Variants in TP53BP2 observed in about 807,000 individuals in gnomAD.
TP53BP2 encodes the protein tumor protein p53 binding protein 2.
A neutral mutation model predicts 126.2 loss-of-function variants in TP53BP2; 62 were observed. The observed-to-expected ratio is 0.49, with a 90% confidence interval of 0.40 to 0.61. The LOEUF is 0.61. TP53BP2 is among the 20% of genes least tolerant of loss of function. The pLI is 0.00. For missense variants in TP53BP2, 1,215 were observed against 1,402.8 expected, an observed-to-expected ratio of 0.87 and a Z score of 2.14; for synonymous variants, 485 against 502.9, an observed-to-expected ratio of 0.96 and a Z score of 0.48.
At position 223,845,726 on chromosome 1, in the gene TP53BP2, C is replaced by T; in HGVS notation, c.-46G>A. 4 of 1,483,340 alleles carry T rather than the reference C, an allele frequency of 2.7e-6. No individual in the cohort carries two copies. Among genetic ancestry groups the T allele is most frequent in the Non-Finnish European group, 2.7e-6 (3 of 1,118,434 alleles). The allele number at this position is 1,483,340 out of a possible 1,614,324, so 91.9% of individuals were successfully genotyped here. A position where few individuals can be genotyped will look rare whatever the true frequency, so the allele number is the denominator to read the frequency against. On this transcript the variant is annotated 5_prime_UTR_variant, in exon 1 of 18. Transcript: ENST00000343537. ...CGGCCCCGGCCGAGCTGAGGTGCCC[C>T]GGAGGGTCGCGGATGCGGGGGAGGG...
At chr1:223,789,925 T>C (rs972950031) in intron 15 of TP53BP2, among the ~76,000 whole-genome samples, 11 of 152,104 alleles carry the variant, frequency 7.2e-5, no homozygotes, top group African/African-American at 2.4e-4. Flanking sequence ...GGCTCTAAAG[T>C]ACATAAGATT....
In TP53BP2 at chr1:223,799,915, A is replaced by G. The variant is rs749140058; in HGVS notation, c.1469T>C (p.Ile490Thr). 1.1e-5 allele frequency: 18 copies of G among 1,595,828 alleles called. No individual in the cohort carries two copies. In the Middle Eastern group the frequency reaches 6.7e-4, roughly 59 times the overall value. Residue 490 changes from isoleucine (I) to threonine (T), a missense_variant, in exon 11 of 18, where the codon ATC becomes ACC. This residue lies in a region of TP53BP2 where 814 missense variants were observed against 853.0 expected (regional missense o/e 0.95). Transcript: ENST00000343537. ...TGTAGGTACCTGAGCATCCCGCAAG[A>G]TATCTTCACTGCTCTGGTTCTTCCT... ...TLRKNQSSED[I>T]LRDAQVANKN...
intron 15 of TP53BP2, among the ~76,000 whole-genome samples, chr1:223,790,664 A>G (rs993861860): frequency 1.1e-4 from 16 of 150,818 alleles, no homozygotes; most frequent in South Asian, 4.2e-4. Context: ...GAGTACAGCA[A>G]TGCAATCTCA....
chr1:223,835,711 C>G (rs1663899148), intron 1 of TP53BP2, among the ~76,000 whole-genome samples: 1 of 152,116 alleles, frequency 6.6e-6, no homozygotes, highest in Non-Finnish European at 1.5e-5. Context: ...TCCATTAACT[C>G]AAACAATATT....
chr1:223,842,683 C>T (rs1284211518), intron 1 of TP53BP2, among the ~76,000 whole-genome samples: 2 of 152,190 alleles, frequency 1.3e-5, no homozygotes, highest in Admixed American at 6.5e-5. Context: ...TTCTTAAGAA[C>T]ACATTTTTGT....
At chr1:223,842,089 G>A (rs1377933230) in intron 1 of TP53BP2, among the ~76,000 whole-genome samples, 1 of 151,822 alleles carries the variant, frequency 6.6e-6, no homozygotes, top group Non-Finnish European at 1.5e-5. Flanking sequence ...ACAGGCACAC[G>A]CCACCACGCC....
intron 8 of TP53BP2, 132 bp downstream of exon 8, chr1:223,802,599 G>T (rs907655204): frequency 2.6e-6 from 3 of 1,140,924 alleles, no homozygotes; most frequent in Non-Finnish European, 3.7e-6. Flanking sequence ...GTCTTTTAAG[G>T]ATCCATAAAC....
chr1:223,790,542 A>G (rs574614248), intron 15 of TP53BP2, among the ~76,000 whole-genome samples: 10 of 152,068 alleles, frequency 6.6e-5, no homozygotes, highest in Admixed American at 4.6e-4. Context: ...GGGTGACAGA[A>G]TAAGACCCTG....
chr1:223,821,710 A>G (rs1195214290), intron 1 of TP53BP2, among the ~76,000 whole-genome samples: 1 of 152,170 alleles, frequency 6.6e-6, no homozygotes, highest in Non-Finnish European at 1.5e-5. Context: ...CAATCCTGTA[A>G]AGGTTGATGC....
intron 2 of TP53BP2, among the ~76,000 whole-genome samples, chr1:223,818,767 C>T (rs529287937): frequency 4.6e-5 from 7 of 151,124 alleles, no homozygotes; most frequent in African/African-American, 9.7e-5. Context: ...TTAGTAGAGG[C>T]GGGGTTTCAC....
At chr1:223,787,096 A>G (rs1038949943) in intron 16 of TP53BP2, among the ~76,000 whole-genome samples, 1 of 151,174 alleles carries the variant, frequency 6.6e-6, no homozygotes, top group Non-Finnish European at 1.5e-5. Context: ...GAGTTTCACC[A>G]TGTTGGCCAG....
chr1:223,830,353 G>A (rs914255167), intron 1 of TP53BP2, among the ~76,000 whole-genome samples: 3 of 152,156 alleles, frequency 2.0e-5, no homozygotes, highest in African/African-American at 7.2e-5. Flanking sequence ...TCAACCTGTA[G>A]TAAATTGTCT....
chr1:223,804,156 C>A lies in TP53BP2; in HGVS notation c.649+18G>T, dbSNP rs2102855212. On this transcript the variant is annotated intron_variant, in intron 6 of 17. Transcript: ENST00000343537. ...CAAATAAATGTATAAAAAAGTAAAT[C>A]TATGAGGAACAACTCACCAAGTTTC... 1 of 1,590,834 alleles carries A rather than the reference C, an allele frequency of 6.3e-7. No individual in the cohort carries two copies. The highest frequency in any genetic ancestry group is 8.5e-7 in the Non-Finnish European group (1 of 1,172,792).
At chr1:223,782,735 G>T (rs1661815413) in intron 17 of TP53BP2, among the ~76,000 whole-genome samples, 1 of 152,166 alleles carries the variant, frequency 6.6e-6, no homozygotes. Context: ...TTACAGGCGT[G>T]AGCCACTATG....
intron 9 of TP53BP2, 116 bp downstream of exon 9, chr1:223,802,000 A>G: frequency 9.5e-7 from 1 of 1,052,356 alleles, no homozygotes; most frequent in Non-Finnish European, 1.4e-6. Flanking sequence ...AGAATATAAA[A>G]GGATTTTTAG....
At chr1:223,788,804 T>C (rs545085320) in intron 16 of TP53BP2, among the ~76,000 whole-genome samples, 41 of 152,324 alleles carry the variant, frequency 2.7e-4, no homozygotes, top group African/African-American at 9.1e-4. Flanking sequence ...TCTTTTGTAA[T>C]TGAAGAAGTC....
At chr1:223,792,940 A>G (rs1662203230) in intron 14 of TP53BP2, among the ~76,000 whole-genome samples, 1 of 152,106 alleles carries the variant, frequency 6.6e-6, no homozygotes, top group African/African-American at 2.4e-5. Flanking sequence ...CTAACCTAAT[A>G]CAGTATAGTA....
rs934178484 is a variant in TP53BP2, at chr1:223,845,754, G to A, written c.-74C>T. 28 of 1,413,628 alleles carry A rather than the reference G, an allele frequency of 2.0e-5. 1 individual carries two copies. The highest frequency in any genetic ancestry group is 1.0e-4 in the South Asian group (7 of 68,680). The allele number at this position is 1,413,628 out of a possible 1,614,324, so 87.6% of individuals were successfully genotyped here. On this transcript the variant is annotated 5_prime_UTR_variant, in exon 1 of 18. Coordinates refer to ENST00000343537, the MANE Select transcript of TP53BP2 (RefSeq NM_001031685.3). ...AGGGTCGCGGATGCGGGGGAGGGGAGCGGAGAGCGAGGCCGCCCGGACCTG... is the reference window on the plus strand; with the variant it reads ...AGGGTCGCGGATGCGGGGGAGGGGAACGGAGAGCGAGGCCGCCCGGACCTG...
chr1:223,793,511 G>C, intron 13 of TP53BP2, 71 bp from the exon 14 acceptor site: 1 of 1,398,310 alleles, frequency 7.2e-7, no homozygotes, highest in South Asian at 1.8e-5. Context: ...AAATGGGAAG[G>C]AATGACTTCT....
Sources: gnomAD v4.1 joint callset for allele counts (sites outside exome capture counted in the v4.1 genomes callset) on GRCh38, gnomAD v4.1.1 for gene constraint, gnomAD v4.1.1 regional missense constraint, MANE v1.5 for transcripts, NCBI Gene and HGNC (gene_info 2026-07-23, HGNC 2026-07-21) for gene names.